The following TAFA4 variants were observed in gnomAD, a reference collection of about 807,000 sequenced individuals.
TAFA4 encodes TAFA chemokine like family member 4, also known as chemokine-like protein TAFA-4.
TAFA4 carries 20 observed loss-of-function variants against 21.1 expected under a neutral mutation model. The ratio of observed to expected loss-of-function variants is 0.95; its 90% CI spans 0.67 to 1.38. TAFA4 has a LOEUF of 1.38. Among genes scored for constraint, TAFA4 ranks in the 40% most tolerant of loss-of-function variants. The probability of loss-of-function intolerance (pLI) is 0.00; values close to 1 mark genes in which losing one functional copy is unlikely to be tolerated. For missense variants in TAFA4, 211 were observed against 180.9 expected, an observed-to-expected ratio of 1.17 and a Z score of -0.95; for synonymous variants, 71 against 67.4, an observed-to-expected ratio of 1.05 and a Z score of -0.26.
intron 1 of TAFA4, among the ~76,000 whole-genome samples, chr3:68,895,653 A>G (rs934710820): frequency 6.6e-6 from 1 of 152,172 alleles, no homozygotes; most frequent in African/African-American, 2.4e-5. Flanking sequence ...TCCATGCTCT[A>G]TTTCTGTGTT....
intron 3 of TAFA4, among the ~76,000 whole-genome samples, chr3:68,867,426 C>A (rs1197971025): frequency 6.6e-6 from 1 of 152,000 alleles, no homozygotes; most frequent in African/African-American, 2.4e-5. Context: ...ACAAGAAATG[C>A]TAAATGGAGT....
rs369621125 is a variant in TAFA4 at position 68,787,478 on chromosome 3, A to G, written c.131-34460T>C. Reference sequence around the variant, plus strand: ...GGCTGTGGAGAAAGCTGTGCTAAATATAATAAGCCTCTCAGGCAATAAAGT... The same window carrying G: ...GGCTGTGGAGAAAGCTGTGCTAAATGTAATAAGCCTCTCAGGCAATAAAGT... On this transcript the variant is annotated intron_variant, in intron 3 of 5. Transcript: ENST00000295569. Among the ~76,000 whole-genome samples the G allele has an allele frequency of 3.3e-5, 5 of 152,350 alleles. No individual in the cohort carries two copies. In the South Asian group the frequency reaches 1.0e-3, roughly 32 times the overall value.
At chr3:68,861,772 G>A (rs1168989492) in intron 3 of TAFA4, among the ~76,000 whole-genome samples, 2 of 152,040 alleles carry the variant, frequency 1.3e-5, no homozygotes, top group Non-Finnish European at 2.9e-5. Context: ...GAAAAGGGAA[G>A]TAGAAGGCAG....
chr3:68,817,426 C>T (rs185633197), intron 3 of TAFA4, among the ~76,000 whole-genome samples: 4 of 152,236 alleles, frequency 2.6e-5, no homozygotes, highest in Non-Finnish European at 5.9e-5. Context: ...CAACTTCCTG[C>T]CAACTCCTGT....
chr3:68,846,650 G>A (rs746245313), intron 3 of TAFA4, among the ~76,000 whole-genome samples: 4 of 152,116 alleles, frequency 2.6e-5, no homozygotes, highest in African/African-American at 4.8e-5. Context: ...CCTCATCTTC[G>A]TGGATTTATC....
chr3:68,840,241 A>G (rs1704629187), intron 3 of TAFA4, among the ~76,000 whole-genome samples: 1 of 152,148 alleles, frequency 6.6e-6, no homozygotes, highest in Non-Finnish European at 1.5e-5. Flanking sequence ...AAGGTCTCAC[A>G]TTGCTGCTCA....
At chr3:68,914,303 G>C (rs1575670938) in intron 1 of TAFA4, among the ~76,000 whole-genome samples, 1 of 152,146 alleles carries the variant, frequency 6.6e-6, no homozygotes, top group Non-Finnish European at 1.5e-5. Flanking sequence ...AAAAAAGTAA[G>C]TTCTACTGGT....
intron 1 of TAFA4, among the ~76,000 whole-genome samples, chr3:68,899,941 C>T (rs968532266): frequency 2.6e-5 from 4 of 151,810 alleles, no homozygotes; most frequent in African/African-American, 9.7e-5. Flanking sequence ...GACATTTAAC[C>T]TTTAATTAAA....
chr3:68,742,866 C>T (rs1420401365), intron 4 of TAFA4, among the ~76,000 whole-genome samples: 8 of 152,174 alleles, frequency 5.3e-5, no homozygotes, highest in Non-Finnish European at 1.0e-4. Flanking sequence ...TGCTAGAGCC[C>T]AAGTGCTAAC....
intron 1 of TAFA4, among the ~76,000 whole-genome samples, chr3:68,891,045 T>A (rs2089724710): frequency 6.6e-6 from 1 of 152,196 alleles, no homozygotes; most frequent in Admixed American, 6.5e-5. Context: ...GCAAGAATTA[T>A]ATACAGCTTG....
At chr3:68,805,667 A>C (rs545053894) in intron 3 of TAFA4, among the ~76,000 whole-genome samples, 2 of 152,322 alleles carry the variant, frequency 1.3e-5, no homozygotes, top group African/African-American at 4.8e-5. Context: ...GACATGGATG[A>C]AACTGGAAAC....
intron 1 of TAFA4, among the ~76,000 whole-genome samples, chr3:68,922,123 T>G (rs1347862195): frequency 6.6e-6 from 1 of 152,202 alleles, no homozygotes; most frequent in Non-Finnish European, 1.5e-5. Flanking sequence ...AACAACCTTA[T>G]TTTTATAAAA....
At chr3:68,862,393 T>G (rs1427580549) in intron 3 of TAFA4, among the ~76,000 whole-genome samples, 2 of 152,180 alleles carry the variant, frequency 1.3e-5, no homozygotes, top group Non-Finnish European at 2.9e-5. Flanking sequence ...ATAGGGTGAT[T>G]GCGGGTAGAC....
In TAFA4 at chr3:68,785,442, G is replaced by A. The variant is rs555986247; in HGVS notation, c.131-32424C>T. Among the ~76,000 whole-genome samples the A allele has an allele frequency of 3.9e-5, 6 of 152,332 alleles. No homozygotes were observed. The East Asian group carries it at 7.7e-4, about 20-fold the overall frequency. On this transcript the variant is annotated intron_variant, in intron 3 of 5. Coordinates refer to ENST00000295569, the MANE Select transcript of TAFA4 (RefSeq NM_182522.5). ...GGAAGGCTCAGGCATGGCGGGCTGC[G>A]GGTCCCAAGCCCTGCCCCGCGCGGG...
chr3:68,812,796 A>C (rs140989938), intron 3 of TAFA4, among the ~76,000 whole-genome samples: 3,914 of 152,254 alleles, frequency 0.026, 173 homozygotes, highest in African/African-American at 0.09. Context: ...GATACCCAGG[A>C]ATTGAACTCA....
intron 2 of TAFA4, among the ~76,000 whole-genome samples, chr3:68,883,847 C>T (rs150054922): frequency 8.8e-4 from 133 of 151,986 alleles, no homozygotes; most frequent in African/African-American, 3.0e-3. Flanking sequence ...GTGGAAGGAA[C>T]GCTTGAGGCC....
chr3:68,854,946 C>G (rs537996404), intron 3 of TAFA4, among the ~76,000 whole-genome samples: 1 of 152,158 alleles, frequency 6.6e-6, no homozygotes, highest in Non-Finnish European at 1.5e-5. Flanking sequence ...GGATACACAG[C>G]AGTTCACTCT....
At chr3:68,863,566 G>C (rs1468628948) in intron 3 of TAFA4, among the ~76,000 whole-genome samples, 1 of 151,958 alleles carries the variant, frequency 6.6e-6, no homozygotes, top group Non-Finnish European at 1.5e-5. Flanking sequence ...TCATCTAACA[G>C]CTGTAAAAAC....
At chr3:68,820,870 T>C (rs1216459211) in intron 3 of TAFA4, among the ~76,000 whole-genome samples, 1 of 152,202 alleles carries the variant, frequency 6.6e-6, no homozygotes, top group African/African-American at 2.4e-5. Context: ...TCTCATGTTA[T>C]GCACAAAATT....
Sources: allele counts gnomAD v4.1 joint callset (sites outside exome capture counted in the v4.1 genomes callset), GRCh38; gene constraint gnomAD v4.1.1; transcripts MANE v1.5; gene names NCBI Gene and HGNC (gene_info 2026-07-23, HGNC 2026-07-21).